The following CKAP5 variants were observed in gnomAD, a reference collection of about 807,000 sequenced individuals.
CKAP5 encodes the protein cytoskeleton-associated protein 5.
A neutral mutation model predicts 232.8 loss-of-function variants in CKAP5; 27 were observed. The ratio of observed to expected loss-of-function variants is 0.12; its 90% CI spans 0.09 to 0.16. CKAP5 has a LOEUF of 0.16. Ranked by LOEUF, CKAP5 falls within the 10% of genes least tolerant of loss-of-function variation. The pLI, the probability that CKAP5 is intolerant of heterozygous loss-of-function variation, is 1.00. For missense variants in CKAP5, 1,838 were observed against 2,424.7 expected, an observed-to-expected ratio of 0.76 and a Z score of 5.08; for synonymous variants, 785 against 841.1, an observed-to-expected ratio of 0.93 and a Z score of 1.16.
chr11:46,812,830 A>T (rs1939308604), intron 4 of CKAP5, among the ~76,000 whole-genome samples: 1 of 151,842 alleles, frequency 6.6e-6, no homozygotes, highest in African/African-American at 2.4e-5. Context: ...TTTTGTAGAG[A>T]CGGGGTTTCT....
chr11:46,782,214 A>G (rs1022343428), intron 18 of CKAP5, among the ~76,000 whole-genome samples: 4 of 152,202 alleles, frequency 2.6e-5, no homozygotes, highest in African/African-American at 9.6e-5. Flanking sequence ...TGTAACTCCC[A>G]TGAAACAGAA....
At chr11:46,783,917 G>A (rs1256049327) in intron 17 of CKAP5, among the ~76,000 whole-genome samples, 1 of 151,636 alleles carries the variant, frequency 6.6e-6, no homozygotes, top group Non-Finnish European at 1.5e-5. Flanking sequence ...TGTTGGCCAG[G>A]CTGCTCTCAA....
chr11:46,787,896 C>A lies in CKAP5; in HGVS notation c.1968+785G>T, dbSNP rs148300248. On this transcript the variant is annotated intron_variant, in intron 16 of 43. Transcript: ENST00000529230. ...ACTCCTGAAACAGCAAGACAAACCC[C>A]TTTTCTTACTCTTTCTCCTCCTTCA... Among the ~76,000 whole-genome samples, 1,087 of 152,238 alleles carry A rather than the reference C, an allele frequency of 7.1e-3. 7 individuals are homozygous for A. Among genetic ancestry groups the A allele is most frequent in the Non-Finnish European group, 0.012 (846 of 68,000 alleles).
At chr11:46,820,788 C>G (rs1939507292) in intron 2 of CKAP5, 1 of 154,810 alleles carries the variant, frequency 6.5e-6, no homozygotes, top group East Asian at 1.9e-4. Context: ...ATCAGAGAAC[C>G]TAAAAAATGC....
chr11:46,782,144 G>GTCTC (rs779999591), intron 18 of CKAP5, among the ~76,000 whole-genome samples: 1 of 151,696 alleles, frequency 6.6e-6, no homozygotes, highest in Non-Finnish European at 1.5e-5. Flanking sequence ...CTCTGTCTCT[G>GTCTC]TCTCTCTCTC....
At position 46,781,067 on chromosome 11, in the gene CKAP5, ATTTGTAT is replaced by A. The variant is rs1226589440; in HGVS notation, c.2250-589_2250-583del. ...ATCCAGCTGCCTTTGTGATATTTCC[ATTTGTAT>A]GCCTGGAAGACAGCCTACATCTAAT... On this transcript the variant is annotated intron_variant, in intron 18 of 43. Transcript: ENST00000529230. Among the ~76,000 whole-genome samples, 6 of 152,208 alleles carry A rather than the reference ATTTGTAT, an allele frequency of 3.9e-5. No individual in the cohort carries two copies. The East Asian group carries it at 1.2e-3, about 29-fold the overall frequency.
chr11:46,835,234 T>G (rs1169953608), intron 1 of CKAP5, among the ~76,000 whole-genome samples: 1 of 151,904 alleles, frequency 6.6e-6, no homozygotes, highest in African/African-American at 2.4e-5. Flanking sequence ...AAATGAATAA[T>G]CATCCACCAT....
chr11:46,770,432 AAT>A (rs998262269), intron 25 of CKAP5, among the ~76,000 whole-genome samples: 2 of 152,094 alleles, frequency 1.3e-5, no homozygotes, highest in African/African-American at 4.8e-5. Context: ...ATTCATGTTT[AAT>A]ATATATATAT....
At position 46,759,254 on chromosome 11, in the gene CKAP5, AAG is replaced by A; in HGVS notation, c.4568+13_4568+14del. 1 of 1,606,892 alleles carries A rather than the reference AAG, an allele frequency of 6.2e-7. No homozygotes were observed. The highest frequency in any genetic ancestry group is 8.5e-7 in the Non-Finnish European group (1 of 1,176,552). On this transcript the variant is annotated intron_variant, in intron 34 of 43. Coordinates refer to ENST00000529230, the MANE Select transcript of CKAP5 (RefSeq NM_001008938.4). Reference sequence around the variant, plus strand: ...TCATGAACTGCTCATATTTAAATGAAAGAGTTTAACTCACTTGGGTTCAGGAA... The same window carrying A: ...TCATGAACTGCTCATATTTAAATGAAAGTTTAACTCACTTGGGTTCAGGAA...
intron 1 of CKAP5, among the ~76,000 whole-genome samples, chr11:46,840,926 T>C (rs1449865160): frequency 6.6e-6 from 1 of 152,178 alleles, no homozygotes; most frequent in Non-Finnish European, 1.5e-5. Flanking sequence ...GGCAGTCTTC[T>C]GGGACTAAAC....
rs1026254850 is a variant in CKAP5, at chr11:46,830,915, A to T, written c.-37-9647T>A. On this transcript the variant is annotated intron_variant, in intron 1 of 43. Transcript: ENST00000529230. ...ATGTATCTACTAAAAATACAAAAAA[A>T]TTAGCCGGGCATGGTGGCGGGTGCC... is the stretch of plus-strand genomic sequence containing the variant. 4.6e-5 allele frequency among the ~76,000 whole-genome samples: 7 copies of T among 152,022 alleles called. No individual in the cohort carries two copies. In the East Asian group the frequency reaches 7.7e-4, roughly 17 times the overall value.
intron 1 of CKAP5, among the ~76,000 whole-genome samples, chr11:46,833,469 GTTATTA>G (rs1220756842): frequency 3.4e-5 from 5 of 147,346 alleles, no homozygotes; most frequent in African/African-American, 1.3e-4. Context: ...CTATATTATT[GTTATTA>G]TTATTAATTT....
In CKAP5 at chr11:46,760,712, T is replaced by C. The variant is rs200117152; in HGVS notation, c.4294A>G (p.Ile1432Val). The C allele has an allele frequency of 1.1e-5, 17 of 1,614,124 alleles. No homozygotes were observed. The highest frequency in any genetic ancestry group is 7.7e-5 in the South Asian group (7 of 91,096). ...RSAKRPSAAP[I>V]KQVEEKPQRA... ...TGAGGTTTCTCTTCCACCTGTTTTA[T>C]TGGTGCAGCAGAGGGTCTCTTTGCT... Residue 1432 changes from isoleucine (I) to valine (V), a missense_variant, in exon 33 of 44, where the codon ATA (isoleucine) becomes GTA (valine). Transcript: ENST00000529230.
chr11:46,795,731 C>T lies in CKAP5; in HGVS notation c.1513G>A (p.Ala505Thr). ...EKVELIHGKK[A>T]GLAADKKEFK... The stretch of plus-strand genomic sequence containing the variant: ...TCCTTCTTATCAGCAGCTAGTCCAG[C>T]TTTCTTACCATGTATCAGTTCTACC... The change falls in exon 13 of 44, where the codon GCT (alanine) becomes ACT (threonine). Residue 505 changes from alanine to threonine, a missense_variant. Ala to Thr is a moderately conservative substitution (Grantham distance 58). Around this residue, in one of 6 missense-constraint regions of CKAP5, gnomAD observed 767 missense variants for 954.6 expected, o/e 0.80. Coordinates refer to ENST00000529230, the MANE Select transcript of CKAP5 (RefSeq NM_001008938.4). 1.2e-6 allele frequency: 2 copies of T among 1,614,102 alleles called. No homozygotes were observed. The highest frequency in any genetic ancestry group is 2.2e-5 in the South Asian group (2 of 91,082).
At chr11:46,831,213 AAT>A (rs1249961066) in intron 1 of CKAP5, among the ~76,000 whole-genome samples, 1 of 152,070 alleles carries the variant, frequency 6.6e-6, no homozygotes, top group African/African-American at 2.4e-5. Context: ...CTTTTATAAT[AAT>A]GTTTTTGTAT....
intron 20 of CKAP5, 118 bp downstream of exon 20, chr11:46,780,076 T>A (rs2065326572): frequency 8.1e-6 from 9 of 1,107,484 alleles, no homozygotes; most frequent in Non-Finnish European, 1.2e-5. Context: ...TAAGCAATCC[T>A]CCTTCCTCAG....
chr11:46,842,793 C>G (rs549381046), intron 1 of CKAP5, among the ~76,000 whole-genome samples: 37 of 151,668 alleles, frequency 2.4e-4, no homozygotes, highest in Non-Finnish European at 4.6e-4. Flanking sequence ...AGGTGAAACC[C>G]CATCTCTACT....
At chr11:46,794,428 G>A (rs1938818665) in intron 13 of CKAP5, among the ~76,000 whole-genome samples, 1 of 151,842 alleles carries the variant, frequency 6.6e-6, no homozygotes, top group South Asian at 2.1e-4. Context: ...CTCCAGCCTG[G>A]GGAACAGAGT....
chr11:46,829,864 GTGTGTGTGTGT>G (rs1439640064), intron 1 of CKAP5, among the ~76,000 whole-genome samples: 3 of 151,550 alleles, frequency 2.0e-5, no homozygotes, highest in Non-Finnish European at 2.9e-5. Flanking sequence ...GTGTGTGTGT[GTGTGTGTGTGT>G]GTGTGTGTAT....
Sources: gnomAD v4.1 joint callset for allele counts (sites outside exome capture counted in the v4.1 genomes callset) on GRCh38, gnomAD v4.1.1 for gene constraint, gnomAD v4.1.1 regional missense constraint, MANE v1.5 for transcripts, NCBI Gene and HGNC (gene_info 2026-07-23, HGNC 2026-07-21) for gene names.